NIBAN1: variants seen among roughly 807,000 people sequenced by gnomAD.
NIBAN1 encodes the protein protein Niban 1.
NIBAN1 carries 81 observed loss-of-function variants against 75.1 expected under a neutral mutation model. The ratio of observed to expected loss-of-function variants is 1.08; its 90% CI spans 0.90 to 1.30. NIBAN1 has a LOEUF of 1.30. Ranked by LOEUF, NIBAN1 falls within the 50% of genes most tolerant of loss-of-function variation. The probability of loss-of-function intolerance (pLI) is 0.00; values close to 1 mark genes in which losing one functional copy is unlikely to be tolerated. For missense variants in NIBAN1, 1,133 were observed against 1,128.1 expected (o/e 1.00, Z -0.06); for synonymous variants, 436 against 424.8 (o/e 1.03, Z -0.32).
At chr1:184,796,407 A>G (rs1045071900) in intron 13 of NIBAN1, among the ~76,000 whole-genome samples, 2 of 152,212 alleles carry the variant, frequency 1.3e-5, no homozygotes, top group African/African-American at 4.8e-5. Context: ...TGTCACCTGT[A>G]TCCCTCAGGG....
rs900706142 is a variant in NIBAN1, at chr1:184,808,325, C to T, written c.1174-90G>A. 1.6e-5 allele frequency: 21 copies of T among 1,316,268 alleles called. No homozygotes were observed. In the Admixed American group the frequency reaches 4.7e-4, roughly 29 times the overall value. The allele number at this position is 1,316,268 out of a possible 1,614,324, so 81.5% of individuals were successfully genotyped here. On this transcript the variant is annotated intron_variant, in intron 9 of 13. Transcript: ENST00000367511. ...GCATATTACATACATTCTAAGCAAT[C>T]AAATGCAAGTTGTTAAAGTGAATCA...
At chr1:184,829,741 C>T (rs1654946174) in intron 6 of NIBAN1, among the ~76,000 whole-genome samples, 1 of 152,248 alleles carries the variant, frequency 6.6e-6, no homozygotes, top group Admixed American at 6.5e-5. Context: ...GCTAAGATTA[C>T]AAGCGTGAGC....
At chr1:184,908,745 GCA>G (rs1317575662) in intron 1 of NIBAN1, among the ~76,000 whole-genome samples, 1 of 152,068 alleles carries the variant, frequency 6.6e-6, no homozygotes, top group East Asian at 1.9e-4. Flanking sequence ...TTACCTCACA[GCA>G]CGCCTCCAAT....
rs1320150480 is a variant in NIBAN1, at chr1:184,793,945, A to G, written c.*1032T>C. 6.6e-6 allele frequency: 1 copy of G among 151,790 alleles called. No individual in the cohort carries two copies. Among genetic ancestry groups the G allele is most frequent in the Non-Finnish European group, 1.5e-5 (1 of 67,986 alleles). The allele number at this position is 151,790 out of a possible 1,614,324, so 9.4% of individuals were successfully genotyped here. A position where few individuals can be genotyped will look rare whatever the true frequency, so the allele number is the denominator to read the frequency against. On this transcript the variant is annotated 3_prime_UTR_variant, in exon 14 of 14. Coordinates refer to ENST00000367511, the MANE Select transcript of NIBAN1 (RefSeq NM_052966.4). ...GGCTTTTGTCTTTATTCATTTATTT[A>G]TTTATTCATTCATTTTGTGCCCTTC... is the stretch of plus-strand genomic sequence containing the variant.
intron 1 of NIBAN1, among the ~76,000 whole-genome samples, chr1:184,902,916 G>A (rs1473820828): frequency 6.6e-6 from 1 of 152,110 alleles, no homozygotes; most frequent in Non-Finnish European, 1.5e-5. Context: ...AAACTATCTA[G>A]GACAGTGCCT....
chr1:184,865,501 GC>G (rs1655934267), intron 5 of NIBAN1, among the ~76,000 whole-genome samples: 2 of 152,070 alleles, frequency 1.3e-5, no homozygotes, highest in Non-Finnish European at 2.9e-5. Flanking sequence ...TGTATACTAT[GC>G]TCAGTACTTG....
chr1:184,974,208 G>A (rs1485161223), intron 1 of NIBAN1, 94 bp downstream of exon 1: 2 of 1,278,714 alleles, frequency 1.6e-6, no homozygotes, highest in African/African-American at 1.6e-5. Flanking sequence ...TACAGGGAGA[G>A]GGCCCGGGGC....
intron 3 of NIBAN1, among the ~76,000 whole-genome samples, chr1:184,892,477 A>G (rs934166513): frequency 3.9e-5 from 6 of 152,200 alleles, no homozygotes; most frequent in Admixed American, 1.3e-4. Flanking sequence ...TCTTGTTATT[A>G]TCATCACTAT....
chr1:184,919,352 A>T (rs1273685911), intron 1 of NIBAN1, among the ~76,000 whole-genome samples: 1 of 152,160 alleles, frequency 6.6e-6, no homozygotes, highest in Admixed American at 6.5e-5. Flanking sequence ...TTTTCTCCAA[A>T]TCCCATGTGA....
intron 1 of NIBAN1, among the ~76,000 whole-genome samples, chr1:184,924,206 T>C (rs1179369700): frequency 6.6e-6 from 1 of 152,170 alleles, no homozygotes; most frequent in African/African-American, 2.4e-5. Context: ...TTTTATGGTG[T>C]TGAGGTATGT....
intron 12 of NIBAN1, among the ~76,000 whole-genome samples, chr1:184,802,586 G>A (rs1654074853): frequency 6.6e-6 from 1 of 152,202 alleles, no homozygotes; most frequent in Non-Finnish European, 1.5e-5. Context: ...ATGAGGATGT[G>A]AAGGAAAACA....
At chr1:184,920,408 C>T (rs1657499325) in intron 1 of NIBAN1, among the ~76,000 whole-genome samples, 1 of 152,144 alleles carries the variant, frequency 6.6e-6, no homozygotes, top group Admixed American at 6.5e-5. Flanking sequence ...AAAAAATCCT[C>T]TCTTCTAGCT....
intron 9 of NIBAN1, among the ~76,000 whole-genome samples, chr1:184,817,178 T>C (rs1654561907): frequency 1.3e-5 from 2 of 152,224 alleles, no homozygotes; most frequent in Admixed American, 6.5e-5. Flanking sequence ...TCCAGCTTCA[T>C]CCATGTCCCT....
At position 184,794,237 on chromosome 1, in the gene NIBAN1, T is replaced by C. The variant is rs1221078674; in HGVS notation, c.*740A>G. 6.5e-6 allele frequency: 1 copy of C among 153,158 alleles called. No homozygotes were observed. Among genetic ancestry groups the C allele is most frequent in the African/African-American group, 2.4e-5 (1 of 41,458 alleles). The allele number at this position is 153,158 out of a possible 1,614,324, so 9.5% of individuals were successfully genotyped here. ...TGCACAGTCTAAGCCTAATTTGGAA[T>C]GCTTTCAGTCTTACCCAGGCCAATA... On this transcript the variant is annotated 3_prime_UTR_variant, in exon 14 of 14. Coordinates refer to ENST00000367511, the MANE Select transcript of NIBAN1 (RefSeq NM_052966.4).
chr1:184,910,887 T>C (rs917344779), intron 1 of NIBAN1, among the ~76,000 whole-genome samples: 2 of 152,148 alleles, frequency 1.3e-5, no homozygotes, highest in Admixed American at 6.5e-5. Context: ...AGTTTGGACA[T>C]TGGTCTTTTC....
chr1:184,974,441 C>G lies in NIBAN1; in HGVS notation c.-85G>C. On this transcript the variant is annotated 5_prime_UTR_variant, in exon 1 of 14. Transcript: ENST00000367511. Reference sequence around the variant, plus strand: ...CTGGAGGTTGATCCGACGGCGAACCCGGCTCTGAAATTAAGAGCAAACTTC... The same window carrying G: ...CTGGAGGTTGATCCGACGGCGAACCGGGCTCTGAAATTAAGAGCAAACTTC... 4 of 1,484,144 alleles carry G rather than the reference C, an allele frequency of 2.7e-6. No individual in the cohort carries two copies. Among genetic ancestry groups the G allele is most frequent in the Non-Finnish European group, 3.6e-6 (4 of 1,112,722 alleles). The allele number at this position is 1,484,144 out of a possible 1,614,324, so 91.9% of individuals were successfully genotyped here. A position where few individuals can be genotyped will look rare whatever the true frequency, so the allele number is the denominator to read the frequency against.
chr1:184,962,537 A>G (rs1222937354), intron 1 of NIBAN1, among the ~76,000 whole-genome samples: 1 of 152,236 alleles, frequency 6.6e-6, no homozygotes, highest in Non-Finnish European at 1.5e-5. Context: ...AAATTGTAAT[A>G]TTGAAATATT....
At chr1:184,926,230 T>C (rs1053140229) in intron 1 of NIBAN1, among the ~76,000 whole-genome samples, 14 of 152,178 alleles carry the variant, frequency 9.2e-5, no homozygotes, top group African/African-American at 1.2e-4. Flanking sequence ...TCGTATGTTT[T>C]TTATTTGTCT....
intron 5 of NIBAN1, among the ~76,000 whole-genome samples, chr1:184,865,389 T>C (rs182180044): frequency 2.4e-4 from 37 of 152,284 alleles, no homozygotes; most frequent in African/African-American, 8.7e-4. Flanking sequence ...TTCTCACTTA[T>C]AAGTGGGAGC....
Sources: allele counts gnomAD v4.1 joint callset (sites outside exome capture counted in the v4.1 genomes callset), GRCh38; gene constraint gnomAD v4.1.1; transcripts MANE v1.5; gene names NCBI Gene and HGNC (gene_info 2026-07-23, HGNC 2026-07-21).